Variants in SORBS3 observed in about 807,000 individuals in gnomAD.
SORBS3 encodes the protein vinexin.
SORBS3 carries 69 observed loss-of-function variants against 98.0 expected under a neutral mutation model. The ratio of observed to expected loss-of-function variants is 0.70; its 90% CI spans 0.58 to 0.86. SORBS3 has a LOEUF of 0.86. Among genes scored for constraint, SORBS3 ranks in the 40% least tolerant of loss-of-function variants. The pLI is 0.00. For synonymous variants in SORBS3, 394 were observed against 355.4 expected, an observed-to-expected ratio of 1.11 and a Z score of -1.22; for missense variants, 954 against 908.5, an observed-to-expected ratio of 1.05 and a Z score of -0.64.
At chr8:22,565,530 A>G (rs1176551866) in intron 11 of SORBS3, 176 bp downstream of exon 11, 1 of 575,922 alleles carries the variant, frequency 1.7e-6, no homozygotes, top group East Asian at 3.9e-5. Flanking sequence ...CCATAAATAA[A>G]ATACAGGGCG....
chr8:22,574,658 C>T lies in SORBS3; in HGVS notation c.1955-9C>T. ...GTGGGGAAAGCTCTTCCTGCCTTTCCTCTTTCAGGTGTCTCCCGGAGGACC... is the reference window on the plus strand; with the variant it reads ...GTGGGGAAAGCTCTTCCTGCCTTTCTTCTTTCAGGTGTCTCCCGGAGGACC... On this transcript the variant is annotated splice_polypyrimidine_tract_variant and intron_variant, in intron 20 of 20. Transcript: ENST00000240123. 6.2e-7 allele frequency: 1 copy of T among 1,612,788 alleles called. No individual in the cohort carries two copies. The highest frequency in any genetic ancestry group is 8.5e-7 in the Non-Finnish European group (1 of 1,179,360).
chr8:22,549,926 G>T, upstream of SORBS3: 1 of 948,820 alleles, frequency 1.1e-6, no homozygotes, highest in African/African-American at 1.8e-5. Context: ...TAGAGAATAA[G>T]AGAAGCTTGC....
chr8:22,570,602 A>G (rs1840547727), intron 17 of SORBS3, among the ~76,000 whole-genome samples: 1 of 152,188 alleles, frequency 6.6e-6, no homozygotes, highest in South Asian at 2.1e-4. Context: ...GATCTGTATT[A>G]TTAGCCACGG....
intron 4 of SORBS3, among the ~76,000 whole-genome samples, chr8:22,557,923 G>A (rs971579079): frequency 6.6e-6 from 1 of 152,228 alleles, no homozygotes; most frequent in East Asian, 1.9e-4. Context: ...CACTTCGATG[G>A]AGATCTTGTC....
At chr8:22,572,284 A>T in intron 19 of SORBS3, 56 bp from the exon 20 acceptor site, 1 of 1,450,494 alleles carries the variant, frequency 6.9e-7, no homozygotes, top group Admixed American at 1.7e-5. Context: ...AAGCGGCAAC[A>T]CTTGGGTTAG....
chr8:22,546,619 G>A (rs1409096339), intron 1 of SORBS3, among the ~76,000 whole-genome samples: 1 of 152,204 alleles, frequency 6.6e-6, no homozygotes, highest in Non-Finnish European at 1.5e-5. Context: ...AAGGAAGAAA[G>A]ACATCCCAGA....
chr8:22,565,148 G>A (rs1840378490), intron 10 of SORBS3, 120 bp from the exon 11 acceptor site: 4 of 1,477,890 alleles, frequency 2.7e-6, no homozygotes, highest in African/African-American at 2.8e-5. Context: ...CCCGTGCGCT[G>A]AGGCCTGCCC....
At chr8:22,561,092 G>A (rs144343014) in intron 5 of SORBS3, 6 of 460,800 alleles carry the variant, frequency 1.3e-5, no homozygotes, top group Admixed American at 3.9e-5. Context: ...GGAGGAGCAG[G>A]AGGGCTTGGG....
chr8:22,566,911 C>T (rs2117273076), intron 15 of SORBS3, 43 bp downstream of exon 15: 1 of 1,594,432 alleles, frequency 6.3e-7, no homozygotes, highest in Non-Finnish European at 8.6e-7. Context: ...AAGGCAATCT[C>T]TGCCATCCCA....
At chr8:22,553,027 GC>G (rs1249685976) in intron 1 of SORBS3, among the ~76,000 whole-genome samples, 5 of 152,166 alleles carry the variant, frequency 3.3e-5, no homozygotes, top group African/African-American at 4.8e-5. Flanking sequence ...ACAAGGAGCT[GC>G]CCCCAGCCTT....
At chr8:22,571,695 C>T in intron 18 of SORBS3, 23 bp from the exon 19 acceptor site, 1 of 1,561,682 alleles carries the variant, frequency 6.4e-7, no homozygotes, top group Non-Finnish European at 8.8e-7. Context: ...CTCTGACATC[C>T]CTTTCTTCCT....
At chr8:22,548,026 C>T (rs568608248), upstream of SORBS3, among the ~76,000 whole-genome samples, 124 of 152,334 alleles carry the variant, frequency 8.1e-4, no homozygotes, top group African/African-American at 2.7e-3. Flanking sequence ...GAGCCTAATT[C>T]GCTATTCCTA....
chr8:22,548,546 A>C (rs1840039979), upstream of SORBS3, among the ~76,000 whole-genome samples: 2 of 152,152 alleles, frequency 1.3e-5, no homozygotes, highest in Admixed American at 1.3e-4. Flanking sequence ...TCTGAGAGCA[A>C]AACCCCCCAA....
intron 7 of SORBS3, 81 bp downstream of exon 7, chr8:22,562,012 C>A: frequency 1.6e-6 from 2 of 1,284,564 alleles, no homozygotes; most frequent in South Asian, 2.4e-5. Context: ...CCCTCGTGAC[C>A]ACAGCCGGCA....
At chr8:22,559,317 T>A (rs1224107608) in intron 5 of SORBS3, among the ~76,000 whole-genome samples, 1 of 152,212 alleles carries the variant, frequency 6.6e-6, no homozygotes, top group Non-Finnish European at 1.5e-5. Context: ...GGATTGGACG[T>A]GGCTTGGAAG....
intron 11 of SORBS3, 35 bp from the exon 12 acceptor site, chr8:22,565,791 G>T: frequency 7.6e-7 from 1 of 1,319,388 alleles, no homozygotes; most frequent in Non-Finnish European, 9.7e-7. Flanking sequence ...GGGTCCCGGG[G>T]TCGCGGGCCC....
chr8:22,571,136 C>A lies in SORBS3; in HGVS notation c.1658C>A (p.Ala553Asp). The change falls in exon 18 of 21, where the codon GCT (alanine) becomes GAT (aspartate). Residue 553 changes from alanine to aspartate, a missense_variant. Transcript: ENST00000240123. ...TCCCCCTCAGCCCTGCGCAGCCCAG[C>A]TGACCCCATCGACTTGGGGGGACAG... ...PSSPSALRSP[A>D]DPIDLGGQTS... 1 of 1,602,674 alleles carries A rather than the reference C, an allele frequency of 6.2e-7. No individual in the cohort carries two copies. The highest frequency in any genetic ancestry group is 1.1e-5 in the South Asian group (1 of 90,886).
At chr8:22,570,809 T>C (rs1840555876) in intron 17 of SORBS3, 101 bp from the exon 18 acceptor site, 7 of 1,049,236 alleles carry the variant, frequency 6.7e-6, no homozygotes, top group Non-Finnish European at 8.2e-6. Context: ...CGACCCCTCG[T>C]GTGTCCAAGG....
At chr8:22,572,557 C>A in intron 20 of SORBS3, 111 bp downstream of exon 20, 1 of 869,892 alleles carries the variant, frequency 1.1e-6, no homozygotes, top group Non-Finnish European at 1.8e-6. Flanking sequence ...CACCCCCCGA[C>A]TCAGCTTCCG....
Sources: gnomAD v4.1 joint callset for allele counts (sites outside exome capture counted in the v4.1 genomes callset) on GRCh38, gnomAD v4.1.1 for gene constraint, MANE v1.5 for transcripts, NCBI Gene and HGNC (gene_info 2026-07-23, HGNC 2026-07-21) for gene names.